GABRG3: variants seen among roughly 807,000 people sequenced by gnomAD.
The protein encoded by GABRG3 is gamma-aminobutyric acid type A receptor subunit gamma3, also known as gamma-aminobutyric acid receptor subunit gamma-3.
A neutral mutation model predicts 48.8 loss-of-function variants in GABRG3; 25 were observed. The observed-to-expected ratio is 0.51, with a 90% CI of 0.37 to 0.72. The LOEUF is 0.72. Among genes scored for constraint, GABRG3 ranks in the 30% least tolerant of loss-of-function variants. The pLI is 0.00. For synonymous variants in GABRG3, 227 were observed against 217.6 expected, an observed-to-expected ratio of 1.04 and a Z score of -0.38; for missense variants, 394 against 577.9, an observed-to-expected ratio of 0.68 and a Z score of 3.26.
Position 27,030,591 on chromosome 15 carries a change from T to G in GABRG3, c.270+3770T>G, listed in dbSNP as rs376578504. 1.0e-3 allele frequency among the ~76,000 whole-genome samples: 157 copies of G among 152,320 alleles called. 2 individuals carry two copies. Among genetic ancestry groups the G allele is most frequent in the African/African-American group, 3.4e-3 (141 of 41,560 alleles). ...TCAAAGAAAGTGTGTGTGGTTTGTT[T>G]CCACACCAGGAAAGCTGCATGCAAG... On this transcript the variant is annotated intron_variant, in intron 3 of 9. Coordinates refer to ENST00000615808, the MANE Select transcript of GABRG3 (RefSeq NM_033223.5).
chr15:27,022,031 G>T (rs1211128082), intron 2 of GABRG3, among the ~76,000 whole-genome samples: 1 of 152,042 alleles, frequency 6.6e-6, no homozygotes, highest in African/African-American at 2.4e-5. Flanking sequence ...TCATTCCTCT[G>T]GGATGCCTTC....
At position 27,533,065 on chromosome 15, in the gene GABRG3, C is replaced by CACAT; in HGVS notation, c.*192_*195dup. 1 of 578,654 alleles carries CACAT rather than the reference C, an allele frequency of 1.7e-6. No homozygotes were observed. The highest frequency in any genetic ancestry group is 3.1e-6 in the Non-Finnish European group (1 of 326,334). 35.8% of individuals were successfully genotyped at this position (578,654 alleles called of 1,614,324 possible). A position where few individuals can be genotyped will look rare whatever the true frequency, so the allele number is the denominator to read the frequency against. ...GTTTCTATTATGTATTTTACACACA[C>CACAT]ACATACATACACACACACAGCTAAT... On this transcript the variant is annotated 3_prime_UTR_variant, in exon 10 of 10. Transcript: ENST00000615808.
At chr15:27,064,373 A>G (rs1211975716) in intron 3 of GABRG3, among the ~76,000 whole-genome samples, 1 of 152,136 alleles carries the variant, frequency 6.6e-6, no homozygotes, top group Non-Finnish European at 1.5e-5. Context: ...CGCTGGAGTC[A>G]TGTGAAATTG....
intron 2 of GABRG3, among the ~76,000 whole-genome samples, chr15:27,017,344 CAG>C (rs374090661): frequency 8.5e-5 from 13 of 152,284 alleles, no homozygotes; most frequent in African/African-American, 2.2e-4. Flanking sequence ...GCTTTCTACT[CAG>C]GGGTTCACTC....
intron 2 of GABRG3, among the ~76,000 whole-genome samples, chr15:27,026,461 C>T (rs1213401781): frequency 1.3e-5 from 2 of 152,168 alleles, no homozygotes; most frequent in Non-Finnish European, 2.9e-5. Flanking sequence ...AGTAACGTTA[C>T]GGTATATCTT....
intron 3 of GABRG3, among the ~76,000 whole-genome samples, chr15:27,036,951 T>C (rs1896189886): frequency 6.6e-6 from 1 of 152,208 alleles, no homozygotes; most frequent in South Asian, 2.1e-4. Context: ...GGGTGGCCCC[T>C]ACTGCAGTAT....
chr15:27,078,778 A>C (rs1196788383), intron 3 of GABRG3, among the ~76,000 whole-genome samples: 1 of 152,240 alleles, frequency 6.6e-6, no homozygotes, highest in Non-Finnish European at 1.5e-5. Context: ...TTGGCTGGCC[A>C]GTAAAGTGGT....
intron 3 of GABRG3, among the ~76,000 whole-genome samples, chr15:27,308,760 A>T (rs1050537263): frequency 6.7e-6 from 1 of 150,162 alleles, no homozygotes; most frequent in African/African-American, 2.4e-5. Flanking sequence ...CATATAATGT[A>T]AACATACGTT....
intron 2 of GABRG3, among the ~76,000 whole-genome samples, chr15:27,017,759 T>C (rs1895806419): frequency 6.6e-6 from 1 of 152,144 alleles, no homozygotes. Context: ...ACCTCTGAAT[T>C]GTATTCTAGA....
chr15:26,985,073 T>C (rs1015370333), intron 2 of GABRG3, among the ~76,000 whole-genome samples: 2 of 152,262 alleles, frequency 1.3e-5, no homozygotes, highest in African/African-American at 2.4e-5. Context: ...CTGCTAAATA[T>C]GGAATAAGAA....
chr15:27,491,335 C>T (rs1005017299), intron 6 of GABRG3, among the ~76,000 whole-genome samples: 4 of 152,200 alleles, frequency 2.6e-5, no homozygotes, highest in African/African-American at 4.8e-5. Flanking sequence ...AGAGAAGCCA[C>T]GCAGTCAGCT....
chr15:27,307,933 G>A lies in GABRG3; in HGVS notation c.271-18876G>A, dbSNP rs149538817. Among the ~76,000 whole-genome samples the A allele has an allele frequency of 7.5e-3, 925 of 123,862 alleles. 31 individuals are homozygous for A. The highest frequency in any genetic ancestry group is 0.051 in the East Asian group (210 of 4,096). The allele number at this position is 123,862 out of a possible 152,430, so 81.3% of individuals were successfully genotyped here. On this transcript the variant is annotated intron_variant, in intron 3 of 9. Transcript: ENST00000615808. ...CATGTTTATATATAAACATATGCTT[G>A]TATATAAACATATATGTAAAATAAA...
At chr15:27,085,436 C>G (rs1041512354) in intron 3 of GABRG3, among the ~76,000 whole-genome samples, 10 of 152,276 alleles carry the variant, frequency 6.6e-5, no homozygotes, top group Non-Finnish European at 8.8e-5. Context: ...CCCTTAAATA[C>G]TTTTAGGAAT....
rs139135697 is a variant in GABRG3 at position 27,463,992 on chromosome 15, C to G, written c.575-16658C>G. On this transcript the variant is annotated intron_variant, in intron 5 of 9. Transcript: ENST00000615808. ...GTGGGTGTGCAAGTGAGAAAACGAGCTGGTGTCACCCATGCATCGTGGCCC... is the reference window on the plus strand; with the variant it reads ...GTGGGTGTGCAAGTGAGAAAACGAGGTGGTGTCACCCATGCATCGTGGCCC... 7.1e-3 allele frequency among the ~76,000 whole-genome samples: 1,085 copies of G among 152,266 alleles called. 9 individuals are homozygous for G. The highest frequency in any genetic ancestry group is 0.02 in the Middle Eastern group (6 of 294).
intron 5 of GABRG3, among the ~76,000 whole-genome samples, chr15:27,416,709 C>A (rs2140605644): frequency 6.6e-6 from 1 of 152,214 alleles, no homozygotes; most frequent in East Asian, 1.9e-4. Flanking sequence ...GGCACTGGTT[C>A]CCACAGAGGT....
rs991841576 is a variant in GABRG3, at chr15:27,539,653, C to T, written c.*6772C>T. On this transcript the variant is annotated 3_prime_UTR_variant, in exon 10 of 10. Transcript: ENST00000615808. Reference sequence around the variant, plus strand: ...ATTTCATCCATGAGTGAAGACCCCCCACTGCACAGAGCAGCACTTCTGTCA... The same window carrying T: ...ATTTCATCCATGAGTGAAGACCCCCTACTGCACAGAGCAGCACTTCTGTCA... 1 of 152,022 alleles carries T rather than the reference C, an allele frequency of 6.6e-6. No individual in the cohort carries two copies. The highest frequency in any genetic ancestry group is 1.5e-5 in the Non-Finnish European group (1 of 68,038). The allele number at this position is 152,022 out of a possible 1,614,324, so 9.4% of individuals were successfully genotyped here.
At chr15:27,292,693 C>T (rs529599732) in intron 3 of GABRG3, among the ~76,000 whole-genome samples, 2 of 152,214 alleles carry the variant, frequency 1.3e-5, no homozygotes, top group African/African-American at 4.8e-5. Context: ...TAATAATTCA[C>T]TTGAGTTAGC....
chr15:27,460,259 G>A (rs1166432112), intron 5 of GABRG3, among the ~76,000 whole-genome samples: 1 of 152,176 alleles, frequency 6.6e-6, no homozygotes, highest in Non-Finnish European at 1.5e-5. Flanking sequence ...TTCAAACAAA[G>A]TCTAAAAGCA....
At position 26,996,774 on chromosome 15, in the gene GABRG3, C is replaced by T. The variant is rs570252665; in HGVS notation, c.202+19624C>T. ...ATGCCATTCTCCTGCCTCAGCCTCC[C>T]GAGTAGCTGGGACTACAGGCCCCTG... is the stretch of plus-strand genomic sequence containing the variant. On this transcript the variant is annotated intron_variant, in intron 2 of 9. Transcript: ENST00000615808. Among the ~76,000 whole-genome samples the T allele has an allele frequency of 3.8e-3, 583 of 151,980 alleles. 4 individuals are homozygous for T. Among genetic ancestry groups the T allele is most frequent in the African/African-American group, 0.013 (522 of 41,450 alleles).
Sources: allele counts gnomAD v4.1 joint callset (sites outside exome capture counted in the v4.1 genomes callset), GRCh38; gene constraint gnomAD v4.1.1; transcripts MANE v1.5; gene names NCBI Gene and HGNC (gene_info 2026-07-23, HGNC 2026-07-21).